PDE4D: variants seen among roughly 807,000 people sequenced by gnomAD.
PDE4D encodes phosphodiesterase 4D.
PDE4D carries 24 observed loss-of-function variants against 87.4 expected under a neutral mutation model. That is an observed-to-expected ratio of 0.27 (90% CI 0.20 to 0.39). The LOEUF is 0.39. Ranked by LOEUF, PDE4D falls within the 10% of genes least tolerant of loss-of-function variation. The pLI is 1.00. For missense variants in PDE4D, 714 were observed against 1,041.0 expected, an observed-to-expected ratio of 0.69 and a Z score of 4.32; for synonymous variants, 384 against 383.2, an observed-to-expected ratio of 1.00 and a Z score of -0.02.
intron 5 of PDE4D, among the ~76,000 whole-genome samples, chr5:59,051,674 A>G (rs2153404443): frequency 6.6e-6 from 1 of 152,324 alleles, no homozygotes. Context: ...AAAATGAGAT[A>G]TTTAATTTTA....
At chr5:60,167,629 T>C (rs1280537656) in intron 2 of PDE4D, among the ~76,000 whole-genome samples, 9 of 152,190 alleles carry the variant, frequency 5.9e-5, no homozygotes, top group Non-Finnish European at 1.5e-5. Context: ...GTTCATTGTA[T>C]ATTTTAGCTC....
At chr5:59,990,741 C>A (rs1441649309) in intron 2 of PDE4D, among the ~76,000 whole-genome samples, 1 of 152,138 alleles carries the variant, frequency 6.6e-6, no homozygotes, top group African/African-American at 2.4e-5. Flanking sequence ...TGAGTTACTT[C>A]TTCTTGCTTT....
At chr5:59,033,872 T>A (rs1758036653) in intron 6 of PDE4D, among the ~76,000 whole-genome samples, 2 of 152,186 alleles carry the variant, frequency 1.3e-5, no homozygotes, top group Non-Finnish European at 1.5e-5. Context: ...ATTTATTGAA[T>A]AATTAAAAAT....
intron 1 of PDE4D, chr5:59,587,374 T>C: frequency 1.2e-6 from 1 of 865,356 alleles, no homozygotes; most frequent in Non-Finnish European, 1.4e-6. Context: ...TCACCCCAAA[T>C]TCAGTTTTCC....
At chr5:59,002,198 G>T (rs572440005) in intron 6 of PDE4D, 10 of 348,724 alleles carry the variant, frequency 2.9e-5, no homozygotes, top group Non-Finnish European at 5.6e-6. Flanking sequence ...ATTTTCCCAG[G>T]TTCACTCTGG....
intron 1 of PDE4D, among the ~76,000 whole-genome samples, chr5:59,611,435 T>G (rs925706781): frequency 2.6e-5 from 4 of 152,134 alleles, no homozygotes; most frequent in African/African-American, 9.7e-5. Context: ...AGCCCTGGTT[T>G]AACCCATATG....
At chr5:60,387,756 C>T (rs1416990071) in intron 1 of PDE4D, among the ~76,000 whole-genome samples, 3 of 152,138 alleles carry the variant, frequency 2.0e-5, no homozygotes, top group African/African-American at 7.2e-5. Context: ...CTTCTGTTAC[C>T]CGAAGTGTGG....
chr5:59,024,294 G>A (rs1307724217), intron 6 of PDE4D, among the ~76,000 whole-genome samples: 2 of 144,902 alleles, frequency 1.4e-5, no homozygotes, highest in East Asian at 4.1e-4. Context: ...TCTGCCTCCT[G>A]GGTTCAAGTG....
intron 1 of PDE4D, among the ~76,000 whole-genome samples, chr5:60,205,473 G>C (rs972084138): frequency 1.3e-5 from 2 of 152,122 alleles, no homozygotes; most frequent in Non-Finnish European, 2.9e-5. Context: ...CACCCAGCCT[G>C]ATCCACCTAT....
chr5:59,438,599 CTTTTACTT>C (rs1399634490), intron 1 of PDE4D, among the ~76,000 whole-genome samples: 1 of 152,142 alleles, frequency 6.6e-6, no homozygotes, highest in African/African-American at 2.4e-5. Context: ...ATAGTGCCTC[CTTTTACTT>C]TTGCAATATT....
intron 1 of PDE4D, among the ~76,000 whole-genome samples, chr5:59,382,004 G>A (rs1037937836): frequency 1.3e-5 from 2 of 152,114 alleles, no homozygotes; most frequent in South Asian, 2.1e-4. Context: ...CTCATGACAT[G>A]CATTCATGGC....
chr5:60,049,000 C>T (rs1311895730), intron 2 of PDE4D, among the ~76,000 whole-genome samples: 1 of 152,184 alleles, frequency 6.6e-6, no homozygotes, highest in Non-Finnish European at 1.5e-5. Flanking sequence ...CTTTCAGGTA[C>T]ACCAATCAGA....
intron 1 of PDE4D, among the ~76,000 whole-genome samples, chr5:59,361,109 A>G (rs1346669715): frequency 2.0e-5 from 3 of 152,164 alleles, no homozygotes; most frequent in African/African-American, 7.2e-5. Flanking sequence ...AAGCTTTTCT[A>G]TTCACTAAAC....
At chr5:59,167,389 A>G (rs1413344206) in intron 5 of PDE4D, among the ~76,000 whole-genome samples, 1 of 152,122 alleles carries the variant, frequency 6.6e-6, no homozygotes, top group Non-Finnish European at 1.5e-5. Flanking sequence ...CAGTCAGTCC[A>G]CTGTCAGTGA....
intron 2 of PDE4D, among the ~76,000 whole-genome samples, chr5:60,115,149 G>A (rs967876868): frequency 3.9e-5 from 6 of 152,106 alleles, no homozygotes; most frequent in Non-Finnish European, 8.8e-5. Flanking sequence ...ACAGAATGTG[G>A]TTCTCCTATT....
At chr5:60,183,291 T>G (rs1377769445) in intron 2 of PDE4D, among the ~76,000 whole-genome samples, 2 of 152,244 alleles carry the variant, frequency 1.3e-5, no homozygotes, top group African/African-American at 4.8e-5. Context: ...ATTAATATAC[T>G]CTGTTTGCCC....
chr5:59,490,113 G>T (rs1038330540), intron 1 of PDE4D, among the ~76,000 whole-genome samples: 1 of 152,052 alleles, frequency 6.6e-6, no homozygotes, highest in Non-Finnish European at 1.5e-5. Flanking sequence ...ACAAAGATGA[G>T]ATACCCTTAC....
intron 1 of PDE4D, among the ~76,000 whole-genome samples, chr5:59,381,864 G>C (rs576112119): frequency 6.6e-6 from 1 of 151,864 alleles, no homozygotes; most frequent in South Asian, 2.1e-4. Context: ...TTTATTCAAA[G>C]GTACATGTCA....
At chr5:59,649,932 T>TTTTTTTTTTTTTTTTTTTTTG in intron 1 of PDE4D, among the ~76,000 whole-genome samples, 1 of 141,836 alleles carries the variant, frequency 7.1e-6, no homozygotes, top group Admixed American at 7.3e-5. Context: ...TTTTTTTTTT[T>TTTTTTTTTTTTTTTTTTTTTG]AGCAATGACC....
Sources: gnomAD v4.1 joint callset for allele counts (sites outside exome capture counted in the v4.1 genomes callset) on GRCh38, gnomAD v4.1.1 for gene constraint, MANE v1.5 for transcripts, NCBI Gene and HGNC (gene_info 2026-07-23, HGNC 2026-07-21) for gene names.